Variants in DLGAP1 observed in about 807,000 individuals in gnomAD.
DLGAP1 encodes DLG associated protein 1.
DLGAP1 carries 11 observed loss-of-function variants against 90.8 expected under a neutral mutation model. The observed-to-expected ratio is 0.12, with a 90% CI of 0.08 to 0.20. DLGAP1 has a LOEUF of 0.20. DLGAP1 is among the 10% of genes least tolerant of loss of function. The probability of loss-of-function intolerance (pLI) is 1.00; values close to 1 mark genes in which losing one functional copy is unlikely to be tolerated. For missense variants in DLGAP1, 1,050 were observed against 1,333.8 expected (o/e 0.79, Z 3.31); for synonymous variants, 558 against 540.7 (o/e 1.03, Z -0.44).
At chr18:4,157,860 C>T (rs1204911063) in intron 1 of DLGAP1, among the ~76,000 whole-genome samples, 1 of 152,160 alleles carries the variant, frequency 6.6e-6, no homozygotes, top group East Asian at 1.9e-4. Flanking sequence ...ATGCTCGCCA[C>T]TGGAACCAGA....
intron 1 of DLGAP1, among the ~76,000 whole-genome samples, chr18:4,427,440 A>G (rs1871915654): frequency 6.6e-6 from 1 of 152,238 alleles, no homozygotes; most frequent in South Asian, 2.1e-4. Flanking sequence ...GGGAATCCAC[A>G]TCTTCTCAGT....
chr18:4,382,310 T>G (rs1472830593), intron 1 of DLGAP1, among the ~76,000 whole-genome samples: 2 of 152,180 alleles, frequency 1.3e-5, no homozygotes, highest in Non-Finnish European at 2.9e-5. Flanking sequence ...AGAGTTACCT[T>G]GCAGCATTTT....
chr18:4,045,614 C>T (rs571464019), intron 2 of DLGAP1, among the ~76,000 whole-genome samples: 1 of 151,372 alleles, frequency 6.6e-6, no homozygotes, highest in East Asian at 1.9e-4. Context: ...AACAAACAAA[C>T]AAACAAAAAA....
At chr18:3,776,722 A>G (rs1393244485) in intron 5 of DLGAP1, among the ~76,000 whole-genome samples, 1 of 152,236 alleles carries the variant, frequency 6.6e-6, no homozygotes, top group Non-Finnish European at 1.5e-5. Context: ...CTCAGTTGCT[A>G]TTTAAAAAAC....
At chr18:4,026,324 C>T (rs1418188780) in intron 2 of DLGAP1, among the ~76,000 whole-genome samples, 1 of 152,150 alleles carries the variant, frequency 6.6e-6, no homozygotes, top group East Asian at 1.9e-4. Flanking sequence ...TATCCATATT[C>T]TAAAATGCCA....
chr18:3,853,857 A>G (rs1238217588), intron 4 of DLGAP1, among the ~76,000 whole-genome samples: 1 of 152,062 alleles, frequency 6.6e-6, no homozygotes, highest in Non-Finnish European at 1.5e-5. Flanking sequence ...TGCTCATATG[A>G]TAGATTTAAT....
intron 7 of DLGAP1, among the ~76,000 whole-genome samples, chr18:3,696,684 T>G (rs886354415): frequency 1.3e-5 from 2 of 152,214 alleles, no homozygotes; most frequent in African/African-American, 4.8e-5. Flanking sequence ...TCTGCCAGGT[T>G]TTGGTATCAG....
At chr18:3,980,289 A>G (rs1444814962) in intron 3 of DLGAP1, among the ~76,000 whole-genome samples, 1 of 152,150 alleles carries the variant, frequency 6.6e-6, no homozygotes, top group Non-Finnish European at 1.5e-5. Context: ...TACGGCCTCA[A>G]GTGAGTCTTG....
At chr18:4,275,468 T>C (rs1346470240) in intron 1 of DLGAP1, 1 of 152,232 alleles carries the variant, frequency 6.6e-6, no homozygotes, top group African/African-American at 2.4e-5. Context: ...TACTCTAATA[T>C]AAGTTTTTCT....
chr18:4,111,622 G>A (rs2075973697), intron 2 of DLGAP1, among the ~76,000 whole-genome samples: 1 of 152,092 alleles, frequency 6.6e-6, no homozygotes, highest in South Asian at 2.1e-4. Flanking sequence ...TTAAATTAGT[G>A]ATTCAGTCTC....
chr18:4,347,215 T>A (rs940172679), intron 1 of DLGAP1, among the ~76,000 whole-genome samples: 1 of 152,034 alleles, frequency 6.6e-6, no homozygotes, highest in Non-Finnish European at 1.5e-5. Flanking sequence ...TAAGGATGAA[T>A]ATCATAAAAA....
At chr18:4,430,640 G>A (rs1245987550) in intron 1 of DLGAP1, 1 of 152,102 alleles carries the variant, frequency 6.6e-6, no homozygotes, top group Non-Finnish European at 1.5e-5. Context: ...ATGTGAGAGT[G>A]AGGGTCTGAG....
intron 9 of DLGAP1, among the ~76,000 whole-genome samples, chr18:3,551,949 AT>A (rs2053501679): frequency 6.9e-6 from 1 of 145,926 alleles, no homozygotes; most frequent in Non-Finnish European, 1.5e-5. Context: ...TGGCTAATTT[AT>A]TTTTAAATTG....
chr18:4,330,297 C>T (rs1008090663), intron 1 of DLGAP1, among the ~76,000 whole-genome samples: 6 of 149,476 alleles, frequency 4.0e-5, no homozygotes, highest in African/African-American at 1.5e-4. Flanking sequence ...TTTATTAATG[C>T]TTTCCAAGAA....
At chr18:3,759,348 A>G (rs370333559) in intron 5 of DLGAP1, among the ~76,000 whole-genome samples, 6 of 152,042 alleles carry the variant, frequency 3.9e-5, no homozygotes, top group Middle Eastern at 3.2e-3. Context: ...CAGGCTCACT[A>G]TGTGCAAAGC....
At chr18:3,777,091 A>C (rs1201643324) in intron 5 of DLGAP1, among the ~76,000 whole-genome samples, 1 of 152,164 alleles carries the variant, frequency 6.6e-6, no homozygotes, top group Non-Finnish European at 1.5e-5. Context: ...CTGGTCAGAA[A>C]ATTATTTTTT....
At chr18:3,936,961 T>C (rs2072655258) in intron 3 of DLGAP1, among the ~76,000 whole-genome samples, 1 of 152,218 alleles carries the variant, frequency 6.6e-6, no homozygotes, top group Non-Finnish European at 1.5e-5. Flanking sequence ...ATGTAGGCCA[T>C]GCTCCTTGGC....
At chr18:3,768,131 A>C (rs2064341014) in intron 5 of DLGAP1, among the ~76,000 whole-genome samples, 1 of 152,162 alleles carries the variant, frequency 6.6e-6, no homozygotes, top group African/African-American at 2.4e-5. Context: ...CTAACATACA[A>C]AAATCAGTTG....
intron 2 of DLGAP1, among the ~76,000 whole-genome samples, chr18:4,142,953 T>G (rs942932609): frequency 6.6e-5 from 10 of 152,156 alleles, no homozygotes; most frequent in Non-Finnish European, 1.5e-4. Flanking sequence ...CCTCTCTTAC[T>G]TTCTCCCAAA....
Sources: gnomAD v4.1 joint callset for allele counts (sites outside exome capture counted in the v4.1 genomes callset) on GRCh38, gnomAD v4.1.1 for gene constraint, MANE v1.5 for transcripts, NCBI Gene and HGNC (gene_info 2026-07-23, HGNC 2026-07-21) for gene names.